AP3B1: variants seen among roughly 807,000 people sequenced by gnomAD.
The protein encoded by AP3B1 is adaptor related protein complex 3 subunit beta 1, also known as AP-3 complex subunit beta-1.
A neutral mutation model predicts 132.5 loss-of-function variants in AP3B1; 61 were observed. The ratio of observed to expected loss-of-function variants is 0.46; its 90% CI spans 0.37 to 0.57. The LOEUF (loss-of-function observed/expected upper bound fraction) is 0.57. Among genes scored for constraint, AP3B1 ranks in the 20% least tolerant of loss-of-function variants. The pLI is 0.00. For missense variants in AP3B1, 1,120 were observed against 1,289.4 expected, an observed-to-expected ratio of 0.87 and a Z score of 2.01; for synonymous variants, 388 against 438.3, an observed-to-expected ratio of 0.89 and a Z score of 1.43.
chr5:78,046,802 A>C (rs2087617), intron 22 of AP3B1, among the ~76,000 whole-genome samples: 41,563 of 151,792 alleles, frequency 0.27, 6,364 homozygotes, highest in Admixed American at 0.4. Flanking sequence ...TTGCTACACC[A>C]ATCACCCTGT....
At chr5:78,019,471 G>C (rs1747000620) in intron 25 of AP3B1, among the ~76,000 whole-genome samples, 1 of 152,110 alleles carries the variant, frequency 6.6e-6, no homozygotes, top group South Asian at 2.1e-4. Flanking sequence ...ACTCACCTTG[G>C]TTTGCTGAGC....
At chr5:78,266,575 T>A (rs1170816828) in intron 2 of AP3B1, among the ~76,000 whole-genome samples, 2 of 152,178 alleles carry the variant, frequency 1.3e-5, no homozygotes, top group African/African-American at 4.8e-5. Context: ...AAAACAGTAT[T>A]GTTTTAGTTG....
Position 78,232,775 on chromosome 5 carries a change from C to T in AP3B1, c.280-4536G>A, listed in dbSNP as rs562628541. Among the ~76,000 whole-genome samples the T allele has an allele frequency of 5.2e-3, 798 of 152,126 alleles. 8 individuals are homozygous for T. The highest frequency in any genetic ancestry group is 0.018 in the African/African-American group (754 of 41,504). On this transcript the variant is annotated intron_variant, in intron 3 of 26. Transcript: ENST00000255194. ...AGGCTGGAGTGCAGTGGCACAATCT[C>T]GGCTCACTGCAGCCTCTGCCTCCTG...
At chr5:78,198,109 G>T (rs766710131) in intron 7 of AP3B1, among the ~76,000 whole-genome samples, 7 of 152,076 alleles carry the variant, frequency 4.6e-5, no homozygotes, top group Admixed American at 2.0e-4. Context: ...TATTACCTTG[G>T]CATTTAGAGT....
chr5:78,162,172 C>T (rs1241293151), intron 13 of AP3B1, among the ~76,000 whole-genome samples: 1 of 151,960 alleles, frequency 6.6e-6, no homozygotes, highest in African/African-American at 2.4e-5. Flanking sequence ...CTAAATGGCT[C>T]CATTTATTTC....
chr5:78,150,327 G>A (rs1050484745), intron 14 of AP3B1, among the ~76,000 whole-genome samples: 5 of 152,112 alleles, frequency 3.3e-5, no homozygotes, highest in African/African-American at 7.2e-5. Flanking sequence ...CAAAAAGGAC[G>A]AAGTAGTTAG....
At chr5:78,203,746 A>T (rs966498751) in intron 7 of AP3B1, among the ~76,000 whole-genome samples, 2 of 152,096 alleles carry the variant, frequency 1.3e-5, no homozygotes, top group African/African-American at 2.4e-5. Context: ...GTCATCACAC[A>T]GGCCTCTTAA....
chr5:78,032,828 T>C (rs906423838), intron 24 of AP3B1, among the ~76,000 whole-genome samples: 4 of 152,080 alleles, frequency 2.6e-5, no homozygotes, highest in Non-Finnish European at 4.4e-5. Context: ...ATACATGAAT[T>C]ATTTTCCTAA....
intron 1 of AP3B1, among the ~76,000 whole-genome samples, chr5:78,269,120 A>G (rs1748448773): frequency 6.6e-6 from 1 of 152,224 alleles, no homozygotes. Flanking sequence ...TTACTGCATA[A>G]ATCTTAGATA....
At chr5:78,106,837 G>A (rs1751360111) in intron 20 of AP3B1, among the ~76,000 whole-genome samples, 4 of 152,170 alleles carry the variant, frequency 2.6e-5, no homozygotes, top group Admixed American at 2.6e-4. Context: ...GAATGCTGGT[G>A]ACAAATGGTA....
intron 19 of AP3B1, among the ~76,000 whole-genome samples, chr5:78,111,336 T>C (rs1751581142): frequency 1.3e-5 from 2 of 152,194 alleles, no homozygotes; most frequent in Non-Finnish European, 2.9e-5. Flanking sequence ...TTATTAATTA[T>C]TGACTACATG....
intron 22 of AP3B1, among the ~76,000 whole-genome samples, chr5:78,057,319 GT>G (rs1223785101): frequency 6.6e-6 from 1 of 152,144 alleles, no homozygotes; most frequent in Admixed American, 6.5e-5. Context: ...GGAGACAGCA[GT>G]GGACCCTTAG....
chr5:78,267,619 A>C lies in AP3B1; in HGVS notation c.129-24T>G, dbSNP rs760380143. The C allele has an allele frequency of 1.0e-5, 15 of 1,433,842 alleles. No homozygotes were observed. In the East Asian group the frequency reaches 3.4e-4, roughly 33 times the overall value. 88.8% of individuals were successfully genotyped at this position (1,433,842 alleles called of 1,614,324 possible). A position where few individuals can be genotyped will look rare whatever the true frequency, so the allele number is the denominator to read the frequency against. Reference sequence around the variant, plus strand: ...TCCTATTACAAAAGAGAAGAAAAAAAATCCATACTTTGATTTTTATATTAG... The same window carrying C: ...TCCTATTACAAAAGAGAAGAAAAAACATCCATACTTTGATTTTTATATTAG... On this transcript the variant is annotated intron_variant, in intron 1 of 26. Coordinates refer to ENST00000255194, the MANE Select transcript of AP3B1 (RefSeq NM_003664.5).
intron 21 of AP3B1, among the ~76,000 whole-genome samples, chr5:78,099,755 T>C (rs1751052756): frequency 6.6e-6 from 1 of 151,664 alleles, no homozygotes; most frequent in Non-Finnish European, 1.5e-5. Context: ...AAAAATTAGC[T>C]GGGCGTGATG....
chr5:78,096,287 GCAGA>G (rs1160263986), intron 21 of AP3B1, among the ~76,000 whole-genome samples: 3 of 152,226 alleles, frequency 2.0e-5, no homozygotes, highest in Non-Finnish European at 4.4e-5. Flanking sequence ...TGCCGGGATT[GCAGA>G]CAGTGTCTGG....
At chr5:78,227,587 A>AT (rs1177271364) in intron 4 of AP3B1, 55 bp from the exon 5 acceptor site, 7 of 1,570,874 alleles carry the variant, frequency 4.5e-6, no homozygotes, top group Non-Finnish European at 6.1e-6. Context: ...TATTTTAAAC[A>AT]TATCTTTCAG....
chr5:78,118,089 A>G (rs1464178788), intron 17 of AP3B1, among the ~76,000 whole-genome samples: 1 of 152,222 alleles, frequency 6.6e-6, no homozygotes. Context: ...TATAAACAAT[A>G]CAAATATTAA....
chr5:78,099,870 C>CA (rs1402124432), intron 21 of AP3B1, among the ~76,000 whole-genome samples: 1 of 151,512 alleles, frequency 6.6e-6, no homozygotes, highest in Non-Finnish European at 1.5e-5. Flanking sequence ...GCCTGGGCAA[C>CA]AAAGTGAGAT....
chr5:78,267,739 A>C (rs1748386553), intron 1 of AP3B1, 144 bp from the exon 2 acceptor site: 1 of 529,666 alleles, frequency 1.9e-6, no homozygotes, highest in South Asian at 2.5e-5. Flanking sequence ...TGCAGGCCAG[A>C]GAGAAAGGCC....
Sources: gnomAD v4.1 joint callset for allele counts (sites outside exome capture counted in the v4.1 genomes callset) on GRCh38, gnomAD v4.1.1 for gene constraint, MANE v1.5 for transcripts, NCBI Gene and HGNC (gene_info 2026-07-23, HGNC 2026-07-21) for gene names.